ANKS1A: variants seen among roughly 807,000 people sequenced by gnomAD.
ANKS1A encodes the protein ankyrin repeat and SAM domain-containing protein 1A.
ANKS1A carries 55 observed loss-of-function variants against 120.3 expected under a neutral mutation model. That is an observed-to-expected ratio of 0.46 (90% CI 0.37 to 0.57). The LOEUF (loss-of-function observed/expected upper bound fraction) is 0.57. Ranked by LOEUF, ANKS1A falls within the 20% of genes least tolerant of loss-of-function variation. The pLI, the probability that ANKS1A is intolerant of heterozygous loss-of-function variation, is 0.00. For synonymous variants in ANKS1A, 590 were observed against 604.7 expected (o/e 0.98, Z 0.36); for missense variants, 1,123 against 1,480.3 (o/e 0.76, Z 3.96).
intron 11 of ANKS1A, among the ~76,000 whole-genome samples, chr6:35,026,403 C>T (rs1292648430): frequency 6.6e-6 from 1 of 152,212 alleles, no homozygotes; most frequent in African/African-American, 2.4e-5. Flanking sequence ...GCTGGGGATA[C>T]AGCAATGAAC....
chr6:34,894,712 G>A (rs1766988213), intron 1 of ANKS1A, among the ~76,000 whole-genome samples: 1 of 152,096 alleles, frequency 6.6e-6, no homozygotes, highest in Non-Finnish European at 1.5e-5. Flanking sequence ...GCTTCAAACT[G>A]TAAATTGAGT....
chr6:35,061,874 T>G (rs1379963417), intron 13 of ANKS1A, among the ~76,000 whole-genome samples: 1 of 152,154 alleles, frequency 6.6e-6, no homozygotes, highest in South Asian at 2.1e-4. Flanking sequence ...TGAGGGGCCT[T>G]CCTTCTCTCA....
At chr6:34,977,008 A>G (rs1301680180) in intron 3 of ANKS1A, among the ~76,000 whole-genome samples, 4 of 152,208 alleles carry the variant, frequency 2.6e-5, no homozygotes. Context: ...TATAGAATCC[A>G]TGTTCAAGTT....
chr6:34,978,148 A>G (rs1164761921), intron 3 of ANKS1A, among the ~76,000 whole-genome samples: 2 of 152,082 alleles, frequency 1.3e-5, no homozygotes, highest in Non-Finnish European at 2.9e-5. Context: ...TGGTGGAGAC[A>G]GGGTTTCACT....
chr6:35,081,145 G>A lies in ANKS1A; in HGVS notation c.2696G>A (p.Arg899His), dbSNP rs146610677. 1.1e-4 allele frequency: 182 copies of A among 1,609,842 alleles called. No homozygotes were observed. The highest frequency in any genetic ancestry group is 1.5e-4 in the Non-Finnish European group (173 of 1,178,168). ...CCTGCGGCACCCTCCCGAGCGGAGC[G>A]CTTCAGGATCCAGGTGGGGCAGGGG... is the stretch of plus-strand genomic sequence containing the variant. ...HDPAAPSRAE[R>H]FRIQEEHREA... Residue 899 changes from arginine (R) to histidine (H), a missense_variant, in exon 17 of 24, where the codon CGC (arginine) becomes CAC (histidine). Around this residue, in one of 3 missense-constraint regions of ANKS1A, gnomAD observed 904 missense variants for 1,130.4 expected, o/e 0.80. Transcript: ENST00000360359.
At chr6:34,995,764 A>G (rs1167091521) in intron 10 of ANKS1A, among the ~76,000 whole-genome samples, 2 of 152,184 alleles carry the variant, frequency 1.3e-5, no homozygotes, top group East Asian at 1.9e-4. Flanking sequence ...CATTGCTACT[A>G]TCCCATTGTG....
intron 11 of ANKS1A, among the ~76,000 whole-genome samples, chr6:35,034,440 G>C (rs1437904690): frequency 6.6e-6 from 1 of 152,144 alleles, no homozygotes; most frequent in Non-Finnish European, 1.5e-5. Context: ...GGACCTGCAG[G>C]GCACTCATTG....
intron 11 of ANKS1A, among the ~76,000 whole-genome samples, chr6:35,038,631 G>A (rs1379946599): frequency 6.6e-6 from 1 of 152,014 alleles, no homozygotes; most frequent in Non-Finnish European, 1.5e-5. Flanking sequence ...ATAGGCGTGC[G>A]CCACCATGCG....
At chr6:34,985,394 C>T in intron 8 of ANKS1A, 116 bp downstream of exon 8, 1 of 992,130 alleles carries the variant, frequency 1.0e-6, no homozygotes. Context: ...TTTCCGGGGC[C>T]TGGAGCCCAC....
intron 3 of ANKS1A, among the ~76,000 whole-genome samples, chr6:34,972,346 C>T (rs982626188): frequency 2.0e-5 from 3 of 152,098 alleles, no homozygotes; most frequent in Non-Finnish European, 4.4e-5. Context: ...CTAGTGGTTA[C>T]AAGTACTATA....
At chr6:34,974,402 ATTCCCCTTCCCCTTCCC>A (rs1561883007) in intron 3 of ANKS1A, among the ~76,000 whole-genome samples, 4 of 39,550 alleles carry the variant, frequency 1.0e-4, no homozygotes, top group African/African-American at 1.0e-4. Context: ...TTCCCCTTCC[ATTCCCCTTCCCCTTCCC>A]TTCCCCTTTC....
Position 35,081,068 on chromosome 6 carries a change from G to C in ANKS1A, c.2619G>C (p.Leu873=). 3 of 1,613,962 alleles carry C rather than the reference G, an allele frequency of 1.9e-6. No individual in the cohort carries two copies. Among genetic ancestry groups the C allele is most frequent in the Non-Finnish European group, 1.7e-6 (2 of 1,179,976 alleles). The change falls in exon 17 of 24, where the codon CTG becomes CTC. Residue 873 remains leucine, a synonymous_variant. Transcript: ENST00000360359. ...CCTGCACTGGGCGGTCGGCAGATCT[G>C]CTGCTGCCTCCAGGGGACACAGGCA... ...NDSCTGRSAD[L]LLPPGDTGRR... is the part of the protein sequence containing the mutation.
chr6:34,971,902 G>T (rs1057315775), intron 3 of ANKS1A, among the ~76,000 whole-genome samples: 1 of 152,196 alleles, frequency 6.6e-6, no homozygotes, highest in Non-Finnish European at 1.5e-5. Flanking sequence ...AATCATCAGT[G>T]AGGATGTTTG....
chr6:35,052,626 A>G (rs954109754), intron 11 of ANKS1A, among the ~76,000 whole-genome samples: 9 of 151,010 alleles, frequency 6.0e-5, no homozygotes, highest in African/African-American at 2.2e-4. Flanking sequence ...AAAAAAAAAA[A>G]AAAAAAGAAT....
At chr6:35,000,002 A>G (rs1365552902) in intron 10 of ANKS1A, among the ~76,000 whole-genome samples, 1 of 152,212 alleles carries the variant, frequency 6.6e-6, no homozygotes, top group Non-Finnish European at 1.5e-5. Flanking sequence ...GAAATATACA[A>G]GTACTTAAGA....
intron 1 of ANKS1A, among the ~76,000 whole-genome samples, chr6:34,951,676 T>G (rs1770099469): frequency 1.3e-5 from 2 of 152,224 alleles, no homozygotes; most frequent in African/African-American, 4.8e-5. Context: ...TTCTTGTCAT[T>G]TTAATGTCCC....
intron 3 of ANKS1A, among the ~76,000 whole-genome samples, chr6:34,981,438 A>G (rs1054433381): frequency 6.6e-6 from 1 of 152,078 alleles, no homozygotes; most frequent in East Asian, 1.9e-4. Flanking sequence ...CCCTTCCTTC[A>G]TGGCACACAG....
At chr6:34,904,661 G>A (rs1322258440) in intron 1 of ANKS1A, among the ~76,000 whole-genome samples, 1 of 152,214 alleles carries the variant, frequency 6.6e-6, no homozygotes, top group Non-Finnish European at 1.5e-5. Context: ...GAACCTGGGA[G>A]GTGGAGGTTA....
At chr6:35,091,663 C>G (rs1417910363), downstream of ANKS1A, among the ~76,000 whole-genome samples, 1 of 152,214 alleles carries the variant, frequency 6.6e-6, no homozygotes, top group Non-Finnish European at 1.5e-5. Context: ...AACACCAAGC[C>G]AGGGCCACAT....
Sources: gnomAD v4.1 joint callset for allele counts (sites outside exome capture counted in the v4.1 genomes callset) on GRCh38, gnomAD v4.1.1 for gene constraint, gnomAD v4.1.1 regional missense constraint, MANE v1.5 for transcripts, NCBI Gene and HGNC (gene_info 2026-07-23, HGNC 2026-07-21) for gene names.